Variants in USP28 observed in about 807,000 individuals in gnomAD.
The protein encoded by USP28 is ubiquitin specific peptidase 28, also known as ubiquitin carboxyl-terminal hydrolase 28.
USP28 carries 113 observed loss-of-function variants against 145.0 expected under a neutral mutation model. The ratio of observed to expected loss-of-function variants is 0.78; its 90% CI spans 0.67 to 0.91. The LOEUF (loss-of-function observed/expected upper bound fraction) is 0.91, where lower values mean the gene tolerates loss of function less well. Among genes scored for constraint, USP28 ranks in the 40% least tolerant of loss-of-function variants. USP28 has a pLI of 0.00. For missense variants in USP28, 1,201 were observed against 1,289.6 expected (o/e 0.93, Z 1.05); for synonymous variants, 447 against 450.9 (o/e 0.99, Z 0.11).
At position 113,808,442 on chromosome 11, in the gene USP28, T is replaced by A; in HGVS notation, c.2165-5A>T. 6.2e-7 allele frequency: 1 copy of A among 1,613,880 alleles called. No homozygotes were observed. The highest frequency in any genetic ancestry group is 1.1e-5 in the South Asian group (1 of 91,084). On this transcript the variant is annotated splice_polypyrimidine_tract_variant and splice_region_variant and intron_variant, in intron 17 of 24. Coordinates refer to ENST00000003302, the Ensembl canonical transcript of USP28. ...GAGAAGAGGCTACTGAAGGCTCTGATAAAGAATTGAACAAAGGTCTTAGCA... is the reference window on the plus strand; with the variant it reads ...GAGAAGAGGCTACTGAAGGCTCTGAAAAAGAATTGAACAAAGGTCTTAGCA...
At chr11:113,807,928 A>G in intron 18 of USP28, 23 bp downstream of exon 19, 1 of 1,019,314 alleles carries the variant, frequency 9.8e-7, no homozygotes. Flanking sequence ...ACAAACAACT[A>G]TATCCTGCAC....
chr11:113,803,182 A>T (rs1460206535), exon 23 of USP28: 1 of 1,614,116 alleles, frequency 6.2e-7, no homozygotes, highest in East Asian at 2.2e-5. Context: ...TTCGGTATAA[A>T]GCAATCACGG....
chr11:113,798,447 C>A (rs1177163584), exon 25 of USP28: 1 of 151,782 alleles, frequency 6.6e-6, no homozygotes, highest in African/African-American at 2.4e-5. Flanking sequence ...AGGAGGTGGA[C>A]CTAAATGGTC....
At chr11:113,833,153 T>G (rs367868668) in intron 7 of USP28, among the ~76,000 whole-genome samples, 47 of 152,304 alleles carry the variant, frequency 3.1e-4, no homozygotes, top group African/African-American at 1.1e-3. Flanking sequence ...TCTACATCAA[T>G]AGCCCCGGTA....
intron 3 of USP28, among the ~76,000 whole-genome samples, chr11:113,849,266 T>C (rs1946207037): frequency 6.6e-6 from 1 of 152,190 alleles, no homozygotes; most frequent in Non-Finnish European, 1.5e-5. Context: ...ACTTTGACAG[T>C]TTCCCAATAA....
chr11:113,798,354 G>C (rs1345226268), exon 25 of USP28: 1 of 151,862 alleles, frequency 6.6e-6, no homozygotes. Context: ...GACAGAGTTT[G>C]CAGTGAGCTG....
At chr11:113,824,543 T>G (rs1943068284) in intron 11 of USP28, among the ~76,000 whole-genome samples, 1 of 150,444 alleles carries the variant, frequency 6.6e-6, no homozygotes. Flanking sequence ...GGTCTCAAAC[T>G]CCCTACCTCA....
At chr11:113,804,931 T>C (rs377368366) in exon 20 of USP28, 23 of 1,614,086 alleles carry the variant, frequency 1.4e-5, no homozygotes, top group Admixed American at 3.3e-5. Flanking sequence ...TACTACCCTT[T>C]TGGGTGCTTC....
At chr11:113,841,745 TATC>T (rs2136190935) in exon 4 of USP28, 1 of 1,613,348 alleles carries the variant, frequency 6.2e-7, no homozygotes, top group Non-Finnish European at 8.5e-7. Flanking sequence ...TCATCTTTGT[TATC>T]ATGAGTAAGG....
chr11:113,833,211 C>T (rs139371485), intron 7 of USP28, among the ~76,000 whole-genome samples: 13 of 152,284 alleles, frequency 8.5e-5, no homozygotes, highest in African/African-American at 3.1e-4. Context: ...TTTAGAACTG[C>T]CAGCCCCCGT....
chr11:113,799,164 T>C, exon 25 of USP28: 1 of 1,496,596 alleles, frequency 6.7e-7, no homozygotes, highest in Non-Finnish European at 9.0e-7. Flanking sequence ...TTTCCCAAGG[T>C]GAGCACTATG....
intron 3 of USP28, among the ~76,000 whole-genome samples, chr11:113,845,349 T>A (rs1489667399): frequency 6.6e-6 from 1 of 151,022 alleles, no homozygotes; most frequent in Non-Finnish European, 1.5e-5. Flanking sequence ...GGCACGAGAA[T>A]CACTTGTACC....
At chr11:113,854,831 A>G (rs1946871707) in intron 1 of USP28, among the ~76,000 whole-genome samples, 1 of 152,234 alleles carries the variant, frequency 6.6e-6, no homozygotes, top group South Asian at 2.1e-4. Context: ...GGTACTTACG[A>G]AAGAAATAGA....
intron 5 of USP28, among the ~76,000 whole-genome samples, chr11:113,839,243 A>T (rs1321503298): frequency 6.6e-6 from 1 of 152,216 alleles, no homozygotes; most frequent in African/African-American, 2.4e-5. Flanking sequence ...AGGGTAGTTA[A>T]GACCATAGCA....
chr11:113,832,008 C>T lies in USP28; in HGVS notation c.760-15G>A. The T allele has an allele frequency of 1.9e-6, 3 of 1,610,044 alleles. No homozygotes were observed. The highest frequency in any genetic ancestry group is 2.5e-6 in the Non-Finnish European group (3 of 1,178,474). On this transcript the variant is annotated splice_polypyrimidine_tract_variant and intron_variant, in intron 7 of 24. Transcript: ENST00000003302. ...CTCACATCTTGCTATAAGAGAGGCA[C>T]AAATTGCATAAAAGTTAGATGCAAT... is the stretch of plus-strand genomic sequence containing the variant.
chr11:113,864,635 A>G (rs1159666306), intron 1 of USP28, among the ~76,000 whole-genome samples: 4 of 152,202 alleles, frequency 2.6e-5, no homozygotes. Context: ...TCAGGCAAGC[A>G]AAGTTTCCTC....
At chr11:113,808,976 C>G (rs1292078733) in intron 17 of USP28, 87 bp downstream of exon 17, 2 of 1,337,538 alleles carry the variant, frequency 1.5e-6, no homozygotes, top group Non-Finnish European at 1.0e-6. Flanking sequence ...TGTGGCATCA[C>G]CTAGCCAGCT....
At chr11:113,830,731 C>A (rs1231706313) in intron 9 of USP28, 136 bp downstream of exon 9, 3 of 693,392 alleles carry the variant, frequency 4.3e-6, no homozygotes, top group Non-Finnish European at 7.0e-6. Flanking sequence ...TAAACAGATA[C>A]CAAGAGGCAG....
At chr11:113,808,319 A>G in exon 18 of USP28, 1 of 1,613,620 alleles carries the variant, frequency 6.2e-7, no homozygotes, top group South Asian at 1.1e-5. Flanking sequence ...CCGCTTCTAC[A>G]CCGCTCTTCT....
Sources: allele counts gnomAD v4.1 joint callset (sites outside exome capture counted in the v4.1 genomes callset), GRCh38; gene constraint gnomAD v4.1.1; transcripts MANE v1.5; gene names NCBI Gene and HGNC (gene_info 2026-07-23, HGNC 2026-07-21).